Variants in TMEM269 observed in about 807,000 individuals in gnomAD.
The protein encoded by TMEM269 is transmembrane protein 269.
TMEM269 carries 12 observed loss-of-function variants against 15.8 expected under a neutral mutation model. That is an observed-to-expected ratio of 0.76 (90% CI 0.49 to 1.23). The LOEUF (loss-of-function observed/expected upper bound fraction) is 1.23, where lower values mean the gene tolerates loss of function less well. TMEM269 is among the 50% of genes most tolerant of loss of function. The probability of loss-of-function intolerance (pLI) is 0.00; values close to 1 mark genes in which losing one functional copy is unlikely to be tolerated. For missense variants in TMEM269, 211 were observed against 245.4 expected, an observed-to-expected ratio of 0.86 and a Z score of 0.94; for synonymous variants, 93 against 99.3, an observed-to-expected ratio of 0.94 and a Z score of 0.38.
rs1487797297 is a variant in TMEM269 at position 42,797,176 on chromosome 1, G to A, written c.485-922G>A. ...GTGGCGAATCTGAGATGCAAATTGT[G>A]TTGGGAGTCCCCAAGACCACCCCTG... On this transcript the variant is annotated intron_variant, in intron 5 of 5. Coordinates refer to ENST00000637012, the MANE Select transcript of TMEM269 (RefSeq NM_001354602.2). This position sits in a 1 kb window ranked among gnomAD's most constrained non-coding sequence, Gnocchi z 4.9. 1.3e-5 allele frequency among the ~76,000 whole-genome samples: 2 copies of A among 152,164 alleles called. No individual in the cohort carries two copies. The highest frequency in any genetic ancestry group is 2.9e-5 in the Non-Finnish European group (2 of 68,028).
chr1:42,790,041 T>G (rs139118078), intron 2 of TMEM269, 107 bp downstream of exon 2: 5 of 827,556 alleles, frequency 6.0e-6, no homozygotes. Context: ...GAATCCACAG[T>G]GTACCCAGGG....
rs1653742716 is a variant in TMEM269, at chr1:42,793,700, T to C, written c.239T>C (p.Ile80Thr). 2 of 1,550,626 alleles carry C rather than the reference T, an allele frequency of 1.3e-6. No homozygotes were observed. The highest frequency in any genetic ancestry group is 8.7e-7 in the Non-Finnish European group (1 of 1,146,980). Residue 80 changes from isoleucine (I) to threonine (T), a missense_variant, in exon 4 of 6, where the codon ATC becomes ACC. Ile to Thr is a moderately conservative substitution (Grantham distance 89). Coordinates refer to ENST00000637012, the MANE Select transcript of TMEM269 (RefSeq NM_001354602.2). ...DGLLSGILAI[I>T]YVSAASFHLC... ...CTTCTGAGTGGGATCCTGGCCATCA[T>C]CTATGTGTCAGCTGCTTCTTTCCAC...
Position 42,785,700 on chromosome 1 carries a change from T to C in TMEM269, c.-99+618T>C, listed in dbSNP as rs542046301. On this transcript the variant is annotated intron_variant, in intron 1 of 5. Coordinates refer to ENST00000637012, the MANE Select transcript of TMEM269 (RefSeq NM_001354602.2). ...GCCTACCTGCCAGTGTCATCTCTGGTCACCCCTCCCTCCCAGGATCCATCT... is the reference window on the plus strand; with the variant it reads ...GCCTACCTGCCAGTGTCATCTCTGGCCACCCCTCCCTCCCAGGATCCATCT... Among the ~76,000 whole-genome samples the C allele has an allele frequency of 7.2e-5, 11 of 152,340 alleles. No individual in the cohort carries two copies. The South Asian group carries it at 2.3e-3, about 32-fold the overall frequency.
At position 42,793,715 on chromosome 1, in the gene TMEM269, C is replaced by T; in HGVS notation, c.254C>T (p.Ala85Val). 1 of 1,550,526 alleles carries T rather than the reference C, an allele frequency of 6.4e-7. No individual in the cohort carries two copies. The highest frequency in any genetic ancestry group is 8.7e-7 in the Non-Finnish European group (1 of 1,146,926). The change falls in exon 4 of 6, where the codon GCT becomes GTT. Residue 85 changes from alanine (A) to valine (V), a missense_variant. Physicochemically the swap from Ala to Val is moderately conservative, Grantham distance 64 (BLOSUM62 0). Coordinates refer to ENST00000637012, the MANE Select transcript of TMEM269 (RefSeq NM_001354602.2). ...GILAIIYVSA[A>V]SFHLCFYSPG... The stretch of plus-strand genomic sequence containing the variant: ...CTGGCCATCATCTATGTGTCAGCTG[C>T]TTCTTTCCACTTGTGCTTTTATTCA...
At chr1:42,794,177 TC>T (rs1307309315) in intron 4 of TMEM269, among the ~76,000 whole-genome samples, 2 of 152,088 alleles carry the variant, frequency 1.3e-5, no homozygotes, top group Non-Finnish European at 1.5e-5. Context: ...AGCAGAGACT[TC>T]CTAGGAGCCA....
intron 5 of TMEM269, among the ~76,000 whole-genome samples, chr1:42,794,945 ATTG>A (rs1251704822): frequency 6.6e-6 from 1 of 152,218 alleles, no homozygotes. Context: ...TGGAAATCAA[ATTG>A]GTAAACTAGG....
chr1:42,793,466 G>A, intron 3 of TMEM269, 135 bp from the exon 4 acceptor site: 2 of 876,416 alleles, frequency 2.3e-6, no homozygotes, highest in Non-Finnish European at 3.4e-6. Context: ...TCTGAAGACT[G>A]CCCCAGGGGA....
Position 42,794,557 on chromosome 1 carries a change from A to G in TMEM269, c.428A>G (p.Tyr143Cys), listed in dbSNP as rs1286602714. 3.9e-6 allele frequency: 6 copies of G among 1,550,910 alleles called. No homozygotes were observed. The highest frequency in any genetic ancestry group is 4.4e-6 in the Non-Finnish European group (5 of 1,147,072). ...CTCTTCATGATGGACCAGAGCTACT[A>G]TCCATATGACAAAATCCTGGAGTCT... Reference protein sequence around the residue: ...MILFMMDQSYYPYDKILESEN... With the variant: ...MILFMMDQSYCPYDKILESEN... Residue 143 changes from tyrosine to cysteine, a missense_variant, in exon 5 of 6, where the codon TAT (tyrosine) becomes TGT (cysteine). Coordinates refer to ENST00000637012, the MANE Select transcript of TMEM269 (RefSeq NM_001354602.2).
intron 2 of TMEM269, among the ~76,000 whole-genome samples, chr1:42,791,728 G>A (rs1429588801): frequency 1.3e-5 from 2 of 152,298 alleles, no homozygotes; most frequent in Middle Eastern, 3.4e-3. Flanking sequence ...CAGGCCGGGC[G>A]CAGTGGCACA....
chr1:42,789,752 T>G, intron 1 of TMEM269, 44 bp from the exon 2 acceptor site: 1 of 1,105,192 alleles, frequency 9.0e-7, no homozygotes, highest in South Asian at 1.3e-5. Flanking sequence ...CTTCTGGGAC[T>G]CCTTAACCTT....
chr1:42,795,457 G>A (rs1653774801), intron 5 of TMEM269, among the ~76,000 whole-genome samples: 1 of 152,228 alleles, frequency 6.6e-6, no homozygotes, highest in African/African-American at 2.4e-5. Flanking sequence ...GCAATGTGGA[G>A]AACAGATTGT....
At chr1:42,790,903 GCTT>G (rs1653673555) in intron 2 of TMEM269, among the ~76,000 whole-genome samples, 1 of 152,156 alleles carries the variant, frequency 6.6e-6, no homozygotes, top group Admixed American at 6.5e-5. Context: ...CAGGCCCTTT[GCTT>G]CTTCTGGGTT....
At chr1:42,796,873 T>C (rs1487910034) in intron 5 of TMEM269, 3 of 152,188 alleles carry the variant, frequency 2.0e-5, no homozygotes, top group African/African-American at 7.2e-5. Flanking sequence ...TCTTACAGGA[T>C]ACATGGTGAT....
At chr1:42,789,713 G>C in intron 1 of TMEM269, 83 bp from the exon 2 acceptor site, 1 of 858,942 alleles carries the variant, frequency 1.2e-6, no homozygotes. Flanking sequence ...TCTGGGATGA[G>C]ATCTAGTGGA....
chr1:42,786,501 A>G (rs1468252328), intron 1 of TMEM269, among the ~76,000 whole-genome samples: 1 of 152,216 alleles, frequency 6.6e-6, no homozygotes, highest in Non-Finnish European at 1.5e-5. Flanking sequence ...ACTGAGAGGA[A>G]GCTGGGAGAG....
intron 1 of TMEM269, among the ~76,000 whole-genome samples, chr1:42,785,692 A>G (rs61775636): frequency 0.22 from 33,016 of 152,182 alleles, 4,443 homozygotes; most frequent in Non-Finnish European, 0.29. Context: ...TGCCAGTGTC[A>G]TCTCTGGTCA....
In TMEM269 at chr1:42,788,828, T is replaced by G. The variant is rs1194126037; in HGVS notation, c.-98-968T>G. 1.3e-5 allele frequency among the ~76,000 whole-genome samples: 2 copies of G among 152,180 alleles called. No individual in the cohort carries two copies. The highest frequency in any genetic ancestry group is 2.9e-5 in the Non-Finnish European group (2 of 68,018). ...TCATTCATAAAATAGGGGAGAATTC[T>G]AGCACCATCTCCTGAGGTTGTCAGG... On this transcript the variant is annotated intron_variant, in intron 1 of 5. Coordinates refer to ENST00000637012, the MANE Select transcript of TMEM269 (RefSeq NM_001354602.2). This position sits in a 1 kb window ranked among gnomAD's most constrained non-coding sequence, Gnocchi z 4.0.
chr1:42,794,329 A>G, intron 4 of TMEM269, 84 bp from the exon 5 acceptor site: 1 of 981,452 alleles, frequency 1.0e-6, no homozygotes, highest in Non-Finnish European at 1.5e-6. Context: ...GGGTAGGGGA[A>G]TACCCAAAGA....
intron 1 of TMEM269, among the ~76,000 whole-genome samples, 157 bp downstream of exon 1, chr1:42,785,239 C>T (rs1653518081): frequency 6.6e-6 from 1 of 152,200 alleles, no homozygotes; most frequent in Non-Finnish European, 1.5e-5. Context: ...CGTCCCATCC[C>T]CAGAGGCCGG....
Sources: allele counts gnomAD v4.1 joint callset (sites outside exome capture counted in the v4.1 genomes callset), GRCh38; gene constraint gnomAD v4.1.1; non-coding constraint Gnocchi (gnomAD v3.1); transcripts MANE v1.5; gene names NCBI Gene and HGNC (gene_info 2026-07-23, HGNC 2026-07-21).